Variants in CLMN observed in about 807,000 individuals in gnomAD.
CLMN encodes the protein calmin (calponin-like, transmembrane).
In CLMN, 57 loss-of-function variants were observed where a neutral mutation model predicts 92.7. The observed-to-expected ratio is 0.61, with a 90% CI of 0.50 to 0.77. The LOEUF (loss-of-function observed/expected upper bound fraction) is 0.77. CLMN is among the 30% of genes least tolerant of loss of function. The pLI is 0.00. For synonymous variants in CLMN, 466 were observed against 470.6 expected, an observed-to-expected ratio of 0.99 and a Z score of 0.13; for missense variants, 1,158 against 1,237.5, an observed-to-expected ratio of 0.94 and a Z score of 0.96.
chr14:95,191,899 G>A lies in CLMN; in HGVS notation c.2841-167C>T. ...CCCACACTGTGTGTACTGGCCCAAG[G>A]CAGTGCGTCGGGCCATCCAGGCAGC... On this transcript the variant is annotated intron_variant, in intron 12 of 12. Transcript: ENST00000298912. The surrounding 1 kb of genome is among the most constrained non-coding windows in gnomAD (Gnocchi z 5.3). The A allele has an allele frequency of 5.2e-6, 3 of 574,972 alleles. No homozygotes were observed. The highest frequency in any genetic ancestry group is 2.5e-5 in the South Asian group (1 of 39,828). 35.6% of individuals were successfully genotyped at this position (574,972 alleles called of 1,614,324 possible). A position where few individuals can be genotyped will look rare whatever the true frequency, so the allele number is the denominator to read the frequency against.
At chr14:95,209,182 T>C (rs546362048) in intron 8 of CLMN, among the ~76,000 whole-genome samples, 1 of 152,306 alleles carries the variant, frequency 6.6e-6, no homozygotes, top group South Asian at 2.1e-4. Flanking sequence ...AAGCATCGAC[T>C]GGGGGTCTTG....
At chr14:95,289,292 A>G (rs553227201) in intron 1 of CLMN, among the ~76,000 whole-genome samples, 1 of 152,196 alleles carries the variant, frequency 6.6e-6, no homozygotes, top group East Asian at 1.9e-4. Flanking sequence ...GGAGTGCAAG[A>G]CCAGCCTGGG....
rs149684020 is a variant in CLMN at position 95,193,845 on chromosome 14, C to T, written c.2840+4G>A. 7.0e-4 allele frequency: 1,123 copies of T among 1,613,842 alleles called. 13 individuals carry two copies. The African/African-American group carries it at 0.013, about 19-fold the overall frequency. On this transcript the variant is annotated splice_donor_region_variant and intron_variant, in intron 12 of 12. Transcript: ENST00000298912. ...CCCACAAAACCTGAAGTAAAGCCAC[C>T]AACCTGGTTAATATTCGGTTTCTTC...
At chr14:95,261,539 G>T (rs1899256206) in intron 1 of CLMN, among the ~76,000 whole-genome samples, 1 of 152,220 alleles carries the variant, frequency 6.6e-6, no homozygotes, top group Non-Finnish European at 1.5e-5. Flanking sequence ...ACGGCCCTCA[G>T]GTATAGTGCT....
chr14:95,235,077 C>T (rs753709398), intron 1 of CLMN, among the ~76,000 whole-genome samples: 1 of 152,120 alleles, frequency 6.6e-6, no homozygotes, highest in Admixed American at 6.5e-5. Context: ...AATTGCTTGA[C>T]ATTTCATTAT....
rs558936101 is a variant in CLMN, at chr14:95,191,362, A to G, written c.*202T>C. 24 of 433,352 alleles carry G rather than the reference A, an allele frequency of 5.5e-5. No homozygotes were observed. The Admixed American group carries it at 1.0e-3, about 18-fold the overall frequency. 26.8% of individuals were successfully genotyped at this position (433,352 alleles called of 1,614,324 possible). A position where few individuals can be genotyped will look rare whatever the true frequency, so the allele number is the denominator to read the frequency against. On this transcript the variant is annotated 3_prime_UTR_variant, in exon 13 of 13. Coordinates refer to ENST00000298912, the MANE Select transcript of CLMN (RefSeq NM_024734.4). The surrounding 1 kb of genome is among the most constrained non-coding windows in gnomAD (Gnocchi z 5.3). ...TGCCTGAGTTTTGAGTACACAGCCA[A>G]AGAAAAAAGCATGCTCAGGTTGTCC...
chr14:95,202,498 T>C (rs971516626), intron 9 of CLMN, among the ~76,000 whole-genome samples: 2 of 152,234 alleles, frequency 1.3e-5, no homozygotes, highest in Non-Finnish European at 2.9e-5. Flanking sequence ...ACCCTTGCCC[T>C]GTGACAATGA....
At chr14:95,224,053 G>A (rs1897634049) in intron 2 of CLMN, among the ~76,000 whole-genome samples, 198 bp from the exon 3 acceptor site, 1 of 152,198 alleles carries the variant, frequency 6.6e-6, no homozygotes, top group Non-Finnish European at 1.5e-5. Context: ...GCCACAACTT[G>A]GCAGGAAGGC....
intron 5 of CLMN, 96 bp downstream of exon 5, chr14:95,215,545 C>G (rs1013155999): frequency 1.0e-6 from 1 of 996,792 alleles, no homozygotes; most frequent in African/African-American, 1.6e-5. Context: ...ATAAACTAAG[C>G]CTCACTGCCT....
At position 95,256,084 on chromosome 14, in the gene CLMN, C is replaced by G. The variant is rs1365125114; in HGVS notation, c.83-25951G>C. On this transcript the variant is annotated intron_variant, in intron 1 of 12. Transcript: ENST00000298912. The surrounding 1 kb of genome is among the most constrained non-coding windows in gnomAD (Gnocchi z 4.9). ...CTTAACGAACTTGCCTGCAGTCATACAGCTAGAAGTGGGCAGAATGGTAAT... is the reference window on the plus strand; with the variant it reads ...CTTAACGAACTTGCCTGCAGTCATAGAGCTAGAAGTGGGCAGAATGGTAAT... 6.6e-6 allele frequency among the ~76,000 whole-genome samples: 1 copy of G among 152,202 alleles called. No individual in the cohort carries two copies. Among genetic ancestry groups the G allele is most frequent in the Non-Finnish European group, 1.5e-5 (1 of 68,034 alleles).
intron 1 of CLMN, among the ~76,000 whole-genome samples, chr14:95,247,078 C>T (rs1238311538): frequency 6.6e-6 from 1 of 151,582 alleles, no homozygotes; most frequent in Non-Finnish European, 1.5e-5. Flanking sequence ...CCATGACAGC[C>T]TGGGTGAAGG....
At position 95,277,847 on chromosome 14, in the gene CLMN, G is replaced by A. The variant is rs562905514; in HGVS notation, c.82+41864C>T. ...TCACCATATTGGTCAGGCTGGTCTC[G>A]AACTCCTAACTTCAGGTCATCCACC... On this transcript the variant is annotated intron_variant, in intron 1 of 12. Transcript: ENST00000298912. 5.3e-5 allele frequency among the ~76,000 whole-genome samples: 8 copies of A among 152,228 alleles called. 1 individual carries two copies. In the East Asian group the frequency reaches 7.7e-4, roughly 15 times the overall value.
At chr14:95,245,211 T>TATATATATATATAAA (rs1898454095) in intron 1 of CLMN, among the ~76,000 whole-genome samples, 1 of 21,788 alleles carries the variant, frequency 4.6e-5, no homozygotes, top group African/African-American at 2.4e-4. Flanking sequence ...ATATATATTA[T>TATATATATATATAAA]ATATATATAT....
intron 1 of CLMN, among the ~76,000 whole-genome samples, chr14:95,311,022 T>C (rs1011859452): frequency 1.3e-5 from 2 of 152,042 alleles, no homozygotes; most frequent in African/African-American, 2.4e-5. Context: ...GGAGGCAGCA[T>C]AGACAGTGGT....
intron 1 of CLMN, among the ~76,000 whole-genome samples, chr14:95,289,676 C>T (rs1900486970): frequency 6.6e-6 from 1 of 152,140 alleles, no homozygotes; most frequent in Non-Finnish European, 1.5e-5. Context: ...AATCAGGCTC[C>T]TCCCACCCCA....
chr14:95,282,956 G>A (rs1313200702), intron 1 of CLMN, among the ~76,000 whole-genome samples: 1 of 152,242 alleles, frequency 6.6e-6, no homozygotes, highest in African/African-American at 2.4e-5. Flanking sequence ...CTGGGGAGGG[G>A]GAGGGACTCA....
rs764495448 is a variant in CLMN, at chr14:95,213,281, C to T, written c.546G>A (p.Ser182=). The part of the protein sequence containing the change: ...TPTAERSVAI[S]VKDQRKAIKA... ...TGATAGCCTTCCTCTGGTCTTTCAC[C>T]GATATTGCCACGCTCCTCTCTGCAG... Residue 182 remains serine (S), a synonymous_variant, in exon 6 of 13, where the codon TCG becomes TCA. Coordinates refer to ENST00000298912, the MANE Select transcript of CLMN (RefSeq NM_024734.4). 4.8e-5 allele frequency: 77 copies of T among 1,613,844 alleles called. No homozygotes were observed. The highest frequency in any genetic ancestry group is 6.7e-5 in the East Asian group (3 of 44,880).
intron 1 of CLMN, among the ~76,000 whole-genome samples, chr14:95,315,662 C>G (rs1481710424): frequency 6.6e-6 from 1 of 152,228 alleles, no homozygotes; most frequent in Non-Finnish European, 1.5e-5. Context: ...AACCCAGAAC[C>G]TACGCAGTCA....
intron 9 of CLMN, among the ~76,000 whole-genome samples, chr14:95,197,401 GA>G (rs578089369): frequency 4.2e-4 from 63 of 151,258 alleles, no homozygotes; most frequent in African/African-American, 5.6e-4. Context: ...AAAGAAAAAA[GA>G]AAAAAAGAAA....
Sources: allele counts gnomAD v4.1 joint callset (sites outside exome capture counted in the v4.1 genomes callset), GRCh38; gene constraint gnomAD v4.1.1; non-coding constraint Gnocchi (gnomAD v3.1); transcripts MANE v1.5; gene names NCBI Gene and HGNC (gene_info 2026-07-23, HGNC 2026-07-21).